The following GGNBP2 variants were observed in gnomAD, a reference collection of about 807,000 sequenced individuals.
GGNBP2 encodes gametogenetin-binding protein 2.
In GGNBP2, 10 loss-of-function variants were observed where a neutral mutation model predicts 85.9. The observed-to-expected ratio is 0.12, with a 90% CI of 0.07 to 0.20. The LOEUF (loss-of-function observed/expected upper bound fraction) is 0.20, where lower values mean the gene tolerates loss of function less well. Among genes scored for constraint, GGNBP2 ranks in the 10% least tolerant of loss-of-function variants. GGNBP2 has a pLI of 1.00. For synonymous variants in GGNBP2, 287 were observed against 285.7 expected (o/e 1.00, Z -0.05); for missense variants, 595 against 857.8 (o/e 0.69, Z 3.83).
intron 6 of GGNBP2, among the ~76,000 whole-genome samples, chr17:36,573,599 C>G (rs1010456371): frequency 6.6e-6 from 1 of 152,056 alleles, no homozygotes; most frequent in East Asian, 1.9e-4. Context: ...ACTTCCGTAC[C>G]GGTTTCCATA....
At chr17:36,568,419 C>T (rs2074489586) in intron 6 of GGNBP2, among the ~76,000 whole-genome samples, 1 of 152,212 alleles carries the variant, frequency 6.6e-6, no homozygotes, top group African/African-American at 2.4e-5. Flanking sequence ...GCCTCAGCCT[C>T]CTGAGTAGCT....
At chr17:36,573,657 A>G (rs1555607223) in intron 6 of GGNBP2, among the ~76,000 whole-genome samples, 1 of 152,076 alleles carries the variant, frequency 6.6e-6, no homozygotes, top group Non-Finnish European at 1.5e-5. Flanking sequence ...AAGGGTTCCA[A>G]TTTCTTCACA....
chr17:36,556,904 G>C (rs2285642), intron 3 of GGNBP2, among the ~76,000 whole-genome samples, 179 bp from the exon 4 acceptor site: 85,500 of 151,294 alleles, frequency 0.57, 24,546 homozygotes, highest in African/African-American at 0.64. Context: ...GTTTGTGGAG[G>C]AAATTCCGTA....
At position 36,581,497 on chromosome 17, in the gene GGNBP2, C is replaced by G; in HGVS notation, c.1174C>G (p.Pro392Ala). 1.9e-6 allele frequency: 3 copies of G among 1,609,570 alleles called. No individual in the cohort carries two copies. Among genetic ancestry groups the G allele is most frequent in the Non-Finnish European group, 2.5e-6 (3 of 1,178,726 alleles). ...TAAGTGTGTGTGTGATATTCCTACT[C>G]CCTTACAAACAGCAGATGAAAAGGA... The part of the protein sequence containing the change: ...KNKCVCDIPT[P>A]LQTADEKEVS... Residue 392 changes from proline (P) to alanine (A), a missense_variant, in exon 9 of 14, where the codon CCC becomes GCC. Physicochemically the swap from Pro to Ala is conservative, Grantham distance 27 (BLOSUM62 -1). Around this residue, in one of 9 missense-constraint regions of GGNBP2, gnomAD observed 85 missense variants for 92.6 expected, o/e 0.92. Coordinates refer to ENST00000613102, the MANE Select transcript of GGNBP2 (RefSeq NM_024835.5).
chr17:36,562,590 A>G (rs1356071737), intron 5 of GGNBP2, among the ~76,000 whole-genome samples: 1 of 150,610 alleles, frequency 6.6e-6, no homozygotes, highest in Non-Finnish European at 1.5e-5. Flanking sequence ...CCTCCCTGAC[A>G]CAAAGACTTG....
chr17:36,562,636 GT>G (rs202116623), intron 5 of GGNBP2, among the ~76,000 whole-genome samples: 1,542 of 150,414 alleles, frequency 0.01, 26 homozygotes, highest in African/African-American at 0.035. Context: ...AATCTATTAA[GT>G]TTTTTTCCCC....
intron 2 of GGNBP2, 94 bp downstream of exon 2, chr17:36,545,911 A>G: frequency 2.3e-6 from 2 of 880,156 alleles, no homozygotes; most frequent in Non-Finnish European, 3.5e-6. Context: ...CACTGGAGAA[A>G]GAGTGTGTTG....
In GGNBP2 at chr17:36,567,696, G is replaced by A. The variant is rs151184499; in HGVS notation, c.561G>A (p.Ser187=). The A allele has an allele frequency of 3.4e-5, 54 of 1,604,698 alleles. No homozygotes were observed. In the East Asian group the frequency reaches 9.6e-4, roughly 29 times the overall value. ...GGATGGATGTATGGGAACTAATGTCGCAGGAATGCAGGGATGAAGTAGTTT... is the reference window on the plus strand; with the variant it reads ...GGATGGATGTATGGGAACTAATGTCACAGGAATGCAGGGATGAAGTAGTTT... ...GCWMDVWELM[S]QECRDEVVLI... Residue 187 remains serine, a synonymous_variant, in exon 6 of 14, where the codon TCG becomes TCA. Transcript: ENST00000613102.
At chr17:36,584,149 A>G (rs1364864262) in intron 9 of GGNBP2, among the ~76,000 whole-genome samples, 1 of 152,210 alleles carries the variant, frequency 6.6e-6, no homozygotes, top group East Asian at 1.9e-4. Flanking sequence ...GAAGTAACAG[A>G]TTGACTTCAT....
chr17:36,589,445 C>T lies in GGNBP2; in HGVS notation c.*34C>T. On this transcript the variant is annotated 3_prime_UTR_variant, in exon 14 of 14. Coordinates refer to ENST00000613102, the MANE Select transcript of GGNBP2 (RefSeq NM_024835.5). ...AATAGCTCTGTCTTTCAATGAAACACTCACGATGACTACTGCGCCTTCTCT... is the reference window on the plus strand; with the variant it reads ...AATAGCTCTGTCTTTCAATGAAACATTCACGATGACTACTGCGCCTTCTCT... The T allele has an allele frequency of 6.7e-7, 1 of 1,490,728 alleles. No individual in the cohort carries two copies. The highest frequency in any genetic ancestry group is 9.3e-7 in the Non-Finnish European group (1 of 1,072,244). The allele number at this position is 1,490,728 out of a possible 1,614,324, so 92.3% of individuals were successfully genotyped here. A position where few individuals can be genotyped will look rare whatever the true frequency, so the allele number is the denominator to read the frequency against.
intron 2 of GGNBP2, among the ~76,000 whole-genome samples, chr17:36,548,116 A>G (rs1486599877): frequency 6.6e-6 from 1 of 152,230 alleles, no homozygotes; most frequent in African/African-American, 2.4e-5. Context: ...GTCTGTAGGT[A>G]ATGCACTGAG....
At position 36,581,253 on chromosome 17, in the gene GGNBP2, CCA is replaced by C. The variant is rs1232313797; in HGVS notation, c.1021-90_1021-89del. Reference sequence around the variant, plus strand: ...TGAGCTGAGATCATGCCACTGCACTCCAGTCTGGGCGACAGAGCAAGATTCCG... The same window carrying C: ...TGAGCTGAGATCATGCCACTGCACTCGTCTGGGCGACAGAGCAAGATTCCG... On this transcript the variant is annotated intron_variant, in intron 8 of 13. Coordinates refer to ENST00000613102, the MANE Select transcript of GGNBP2 (RefSeq NM_024835.5). The C allele has an allele frequency of 1.4e-5, 12 of 843,754 alleles. No individual in the cohort carries two copies. In the Middle Eastern group the frequency reaches 1.1e-3, roughly 75 times the overall value. The allele number at this position is 843,754 out of a possible 1,614,324, so 52.3% of individuals were successfully genotyped here. A position where few individuals can be genotyped will look rare whatever the true frequency, so the allele number is the denominator to read the frequency against.
chr17:36,575,853 G>T (rs1437780871), intron 6 of GGNBP2, among the ~76,000 whole-genome samples: 1 of 149,688 alleles, frequency 6.7e-6, no homozygotes, highest in Non-Finnish European at 1.5e-5. Context: ...CACCATGTTG[G>T]CCAGGCTGAT....
chr17:36,587,698 C>A lies in GGNBP2; in HGVS notation c.1890+453C>A, dbSNP rs538059641. 479 of 161,588 alleles carry A rather than the reference C, an allele frequency of 3.0e-3. 1 individual carries two copies. The highest frequency in any genetic ancestry group is 4.8e-3 in the Non-Finnish European group (349 of 72,642). The allele number at this position is 161,588 out of a possible 1,614,324, so 10.0% of individuals were successfully genotyped here. A position where few individuals can be genotyped will look rare whatever the true frequency, so the allele number is the denominator to read the frequency against. On this transcript the variant is annotated intron_variant, in intron 13 of 13. Coordinates refer to ENST00000613102, the MANE Select transcript of GGNBP2 (RefSeq NM_024835.5). ...GGTCAAGAGATCAAGACCATCCTGG[C>A]CAATATGATGAAACCCCGTCTCTAC... is the stretch of plus-strand genomic sequence containing the variant.
intron 5 of GGNBP2, among the ~76,000 whole-genome samples, chr17:36,564,360 C>T (rs1230937888): frequency 6.6e-6 from 1 of 152,196 alleles, no homozygotes; most frequent in African/African-American, 2.4e-5. Context: ...TCTTGCTCTG[C>T]ACTCCATTTT....
chr17:36,546,029 CCTCT>C (rs1567814069), intron 2 of GGNBP2: 2 of 512,214 alleles, frequency 3.9e-6, no homozygotes, highest in African/African-American at 3.9e-5. Flanking sequence ...GTACGCACTC[CCTCT>C]CTCCAGATTT....
At chr17:36,555,825 T>C (rs950157879) in intron 3 of GGNBP2, among the ~76,000 whole-genome samples, 1 of 152,230 alleles carries the variant, frequency 6.6e-6, no homozygotes, top group African/African-American at 2.4e-5. Context: ...ACTGCATCTT[T>C]AGGGAATAAT....
Position 36,545,836 on chromosome 17 carries a change from G to C in GGNBP2, c.93+19G>C. On this transcript the variant is annotated intron_variant, in intron 2 of 13. Coordinates refer to ENST00000613102, the MANE Select transcript of GGNBP2 (RefSeq NM_024835.5). Reference sequence around the variant, plus strand: ...CCTGACGGTGAGCGGGCCGGGCCGGGCTGGGCCCGCCGCTCCCCTGGCAGC... The same window carrying C: ...CCTGACGGTGAGCGGGCCGGGCCGGCCTGGGCCCGCCGCTCCCCTGGCAGC... The C allele has an allele frequency of 1.3e-6, 2 of 1,499,362 alleles. No homozygotes were observed. The highest frequency in any genetic ancestry group is 1.8e-6 in the Non-Finnish European group (2 of 1,109,952). The allele number at this position is 1,499,362 out of a possible 1,614,324, so 92.9% of individuals were successfully genotyped here. A position where few individuals can be genotyped will look rare whatever the true frequency, so the allele number is the denominator to read the frequency against.
chr17:36,558,143 G>A (rs990749604), intron 4 of GGNBP2, among the ~76,000 whole-genome samples: 1 of 151,876 alleles, frequency 6.6e-6, no homozygotes. Flanking sequence ...ACTGGGCGCG[G>A]TGGCTCACGC....
Sources: gnomAD v4.1 joint callset for allele counts (sites outside exome capture counted in the v4.1 genomes callset) on GRCh38, gnomAD v4.1.1 for gene constraint, gnomAD v4.1.1 regional missense constraint, MANE v1.5 for transcripts, NCBI Gene and HGNC (gene_info 2026-07-23, HGNC 2026-07-21) for gene names.